MYO16: variants seen among roughly 807,000 people sequenced by gnomAD.
The protein encoded by MYO16 is unconventional myosin-XVI.
Under a neutral mutation model 205.3 loss-of-function variants are expected in MYO16, and 94 were observed. The observed-to-expected ratio is 0.46, with a 90% CI of 0.39 to 0.54. MYO16 has a LOEUF of 0.54. Among genes scored for constraint, MYO16 ranks in the 20% least tolerant of loss-of-function variants. The pLI is 0.00. For missense variants in MYO16, 2,315 were observed against 2,387.5 expected, an observed-to-expected ratio of 0.97 and a Z score of 0.63; for synonymous variants, 988 against 954.0, an observed-to-expected ratio of 1.04 and a Z score of -0.66.
At chr13:108,772,032 C>T (rs532100148) in intron 4 of MYO16, among the ~76,000 whole-genome samples, 4 of 152,180 alleles carry the variant, frequency 2.6e-5, no homozygotes, top group Non-Finnish European at 4.4e-5. Flanking sequence ...ATTTCTGGGT[C>T]ATGTAGTAAG....
chr13:109,126,908 A>G (rs1421476275), intron 30 of MYO16, among the ~76,000 whole-genome samples: 1 of 152,236 alleles, frequency 6.6e-6, no homozygotes, highest in Non-Finnish European at 1.5e-5. Context: ...GCCAGAAATT[A>G]TCATTCAGAT....
intron 23 of MYO16, among the ~76,000 whole-genome samples, chr13:109,037,671 CAGAG>C (rs138767330): frequency 1.3e-5 from 2 of 151,060 alleles, no homozygotes; most frequent in African/African-American, 2.4e-5. Flanking sequence ...GAGAGACACA[CAGAG>C]AGAGAGAGAG....
chr13:108,857,406 C>A (rs541559937), intron 11 of MYO16, among the ~76,000 whole-genome samples: 5 of 152,240 alleles, frequency 3.3e-5, no homozygotes, highest in African/African-American at 7.2e-5. Context: ...TTCTAACGTA[C>A]CTTCTCCAAT....
chr13:108,636,300 C>A (rs1344144223), intron 1 of MYO16, among the ~76,000 whole-genome samples: 1 of 145,920 alleles, frequency 6.9e-6, no homozygotes, highest in South Asian at 2.2e-4. Flanking sequence ...CTTTTCTCTT[C>A]AATATTAAAA....
At chr13:109,071,145 T>A (rs2139648979) in intron 27 of MYO16, among the ~76,000 whole-genome samples, 1 of 152,304 alleles carries the variant, frequency 6.6e-6, no homozygotes, top group East Asian at 1.9e-4. Context: ...AATCCATATT[T>A]TTTTAAAAAA....
intron 31 of MYO16, among the ~76,000 whole-genome samples, chr13:109,132,042 A>G (rs1876566094): frequency 6.6e-6 from 1 of 152,246 alleles, no homozygotes; most frequent in South Asian, 2.1e-4. Flanking sequence ...AGCGCACAGC[A>G]AAGTTACATG....
chr13:109,205,979 G>T (rs867870726), intron 34 of MYO16, among the ~76,000 whole-genome samples: 1 of 152,158 alleles, frequency 6.6e-6, no homozygotes, highest in African/African-American at 2.4e-5. Flanking sequence ...CAGCTAGCCC[G>T]CCTTGAATGA....
At chr13:109,066,663 G>A (rs1887758722) in intron 27 of MYO16, among the ~76,000 whole-genome samples, 1 of 152,122 alleles carries the variant, frequency 6.6e-6, no homozygotes, top group East Asian at 1.9e-4. Flanking sequence ...CAAATAGTAC[G>A]TATTGTAGAC....
intron 27 of MYO16, among the ~76,000 whole-genome samples, chr13:109,068,582 G>A (rs1887825499): frequency 7.1e-6 from 1 of 141,306 alleles, no homozygotes. Context: ...CCACTGATAA[G>A]CCATGAATTT....
At chr13:109,045,919 A>AATGTCCACAGGCATAACTCTTAT (rs1887026076) in intron 23 of MYO16, among the ~76,000 whole-genome samples, 1 of 151,988 alleles carries the variant, frequency 6.6e-6, no homozygotes, top group Non-Finnish European at 1.5e-5. Flanking sequence ...GTGACACTCA[A>AATGTCCACAGGCATAACTCTTAT]ATGTCCACAG....
chr13:108,535,927 G>A, the MYO16 span, among the ~76,000 whole-genome samples: 3 of 152,226 alleles, frequency 2.0e-5, no homozygotes, highest in Admixed American at 1.3e-4. Flanking sequence ...TTTAGGAGAT[G>A]TCCAGCTGAT....
At chr13:108,692,898 A>G (rs1289298002) in intron 2 of MYO16, among the ~76,000 whole-genome samples, 1 of 152,166 alleles carries the variant, frequency 6.6e-6, no homozygotes, top group Non-Finnish European at 1.5e-5. Context: ...CTCCGTCTCC[A>G]TGGAGTCATT....
chr13:108,813,534 A>T (rs2138999561), intron 7 of MYO16, among the ~76,000 whole-genome samples: 1 of 152,238 alleles, frequency 6.6e-6, no homozygotes, highest in Non-Finnish European at 1.5e-5. Context: ...AGATACTTTC[A>T]CTCTCAAGAA....
intron 4 of MYO16, among the ~76,000 whole-genome samples, chr13:108,739,965 G>C (rs1390739706): frequency 6.6e-6 from 1 of 152,104 alleles, no homozygotes; most frequent in African/African-American, 2.4e-5. Context: ...CGTGGTTCTC[G>C]TGCCATGGTT....
At chr13:108,907,293 C>T (rs933815900) in intron 15 of MYO16, among the ~76,000 whole-genome samples, 2 of 152,094 alleles carry the variant, frequency 1.3e-5, no homozygotes, top group African/African-American at 4.8e-5. Flanking sequence ...TATTTTTCAA[C>T]ACCAAAACTT....
chr13:109,184,670 C>CA (rs1257119801), intron 34 of MYO16, among the ~76,000 whole-genome samples: 10 of 152,140 alleles, frequency 6.6e-5, no homozygotes, highest in African/African-American at 1.9e-4. Context: ...AATCTCGGCT[C>CA]ACTGCAACCT....
intron 2 of MYO16, among the ~76,000 whole-genome samples, chr13:108,701,598 A>C (rs1300852077): frequency 6.6e-6 from 1 of 152,230 alleles, no homozygotes. Flanking sequence ...CAGTCTGTGC[A>C]TTCTGTTATA....
chr13:109,063,501 A>G (rs1204742989), intron 27 of MYO16, among the ~76,000 whole-genome samples: 1 of 152,160 alleles, frequency 6.6e-6, no homozygotes, highest in Non-Finnish European at 1.5e-5. Context: ...ATGTGACTTC[A>G]TTTGGAGGTG....
At chr13:108,510,251 G>T in the MYO16 span, among the ~76,000 whole-genome samples, 2 of 151,780 alleles carry the variant, frequency 1.3e-5, no homozygotes, top group South Asian at 2.1e-4. Flanking sequence ...CGAGTAGCTG[G>T]GACTACAGGT....
Sources: allele counts gnomAD v4.1 joint callset (sites outside exome capture counted in the v4.1 genomes callset), GRCh38; gene constraint gnomAD v4.1.1; transcripts MANE v1.5; gene names NCBI Gene and HGNC (gene_info 2026-07-23, HGNC 2026-07-21).